The following KLHDC4 variants were observed in gnomAD, a reference collection of about 807,000 sequenced individuals.
KLHDC4 encodes kelch domain containing 4, also known as kelch domain-containing protein 4.
Under a neutral mutation model 62.4 loss-of-function variants are expected in KLHDC4, and 90 were observed. That is an observed-to-expected ratio of 1.44 (90% CI 1.22 to 1.72). The LOEUF (loss-of-function observed/expected upper bound fraction) is 1.72. KLHDC4 is among the 40% of genes most tolerant of loss of function. The probability of loss-of-function intolerance (pLI) is 0.00; values close to 1 mark genes in which losing one functional copy is unlikely to be tolerated. For missense variants in KLHDC4, 1,025 were observed against 699.7 expected (o/e 1.47, Z -5.25); for synonymous variants, 386 against 284.4 (o/e 1.36, Z -3.59).
intron 7 of KLHDC4, among the ~76,000 whole-genome samples, chr16:87,720,856 G>A (rs1247812889): frequency 2.0e-5 from 3 of 152,206 alleles, no homozygotes; most frequent in Non-Finnish European, 2.9e-5. Context: ...CTGCTGTCGC[G>A]ATGGTTTCTG....
chr16:87,760,551 G>A (rs1317001629), intron 2 of KLHDC4, among the ~76,000 whole-genome samples: 1 of 135,766 alleles, frequency 7.4e-6, no homozygotes, highest in African/African-American at 2.8e-5. Context: ...AGCTTGCAGT[G>A]AACCAAGATG....
chr16:87,749,128 G>T (rs1044984953), intron 4 of KLHDC4, among the ~76,000 whole-genome samples: 1 of 151,716 alleles, frequency 6.6e-6, no homozygotes, highest in Non-Finnish European at 1.5e-5. Context: ...ATTAACAACG[G>T]TGTGGTGCAA....
intron 4 of KLHDC4, among the ~76,000 whole-genome samples, chr16:87,752,277 A>C (rs897935945): frequency 1.3e-5 from 2 of 150,794 alleles, no homozygotes; most frequent in African/African-American, 4.9e-5. Context: ...AAAAAGAAAA[A>C]AATGAAGTCA....
At chr16:87,715,913 T>A (rs1235539764) in intron 7 of KLHDC4, among the ~76,000 whole-genome samples, 1 of 152,232 alleles carries the variant, frequency 6.6e-6, no homozygotes, top group Non-Finnish European at 1.5e-5. Flanking sequence ...TGACACAGAC[T>A]TCAGGCACGC....
chr16:87,721,344 G>C (rs1013055673), intron 7 of KLHDC4, among the ~76,000 whole-genome samples: 1 of 151,518 alleles, frequency 6.6e-6, no homozygotes, highest in Non-Finnish European at 1.5e-5. Flanking sequence ...AACCCGGTGG[G>C]TGGAGCTTGC....
At chr16:87,757,881 G>A (rs1306302038) in intron 2 of KLHDC4, among the ~76,000 whole-genome samples, 1 of 152,084 alleles carries the variant, frequency 6.6e-6, no homozygotes, top group African/African-American at 2.4e-5. Context: ...GACAGAGCAA[G>A]ACTGTCTTAA....
chr16:87,758,142 C>T (rs536500009), intron 2 of KLHDC4, among the ~76,000 whole-genome samples: 13 of 152,284 alleles, frequency 8.5e-5, no homozygotes, highest in Admixed American at 4.6e-4. Context: ...TGCATAGAAA[C>T]ATGTCATAGG....
At chr16:87,756,709 T>C (rs925039632) in intron 2 of KLHDC4, among the ~76,000 whole-genome samples, 1 of 133,802 alleles carries the variant, frequency 7.5e-6, no homozygotes, top group Non-Finnish European at 1.6e-5. Context: ...ACACAGTGTC[T>C]GGTTGTATTA....
chr16:87,706,270 G>T (rs569543879), downstream of KLHDC4, among the ~76,000 whole-genome samples: 72 of 120,040 alleles, frequency 6.0e-4, 1 homozygote, highest in African/African-American at 2.3e-3. Flanking sequence ...CCTTGAGGGG[G>T]TCGGTGGCGG....
At chr16:87,746,209 G>A (rs780850095) in intron 5 of KLHDC4, among the ~76,000 whole-genome samples, 1 of 152,138 alleles carries the variant, frequency 6.6e-6, no homozygotes, top group Non-Finnish European at 1.5e-5. Flanking sequence ...GTTTGAGGCT[G>A]CAATAAGGTG....
intron 5 of KLHDC4, among the ~76,000 whole-genome samples, chr16:87,731,374 G>C (rs188985838): frequency 2.8e-4 from 43 of 151,784 alleles, no homozygotes; most frequent in Non-Finnish European, 5.6e-4. Flanking sequence ...GCCCGGCCCA[G>C]AATTCTATCT....
At chr16:87,730,885 T>G in intron 5 of KLHDC4, 1 of 388,532 alleles carries the variant, frequency 2.6e-6, no homozygotes, top group Non-Finnish European at 4.6e-6. Context: ...GACCTTGGAC[T>G]GCATAAAGAT....
At chr16:87,758,868 T>C (rs925253036) in intron 2 of KLHDC4, among the ~76,000 whole-genome samples, 4 of 149,446 alleles carry the variant, frequency 2.7e-5, no homozygotes, top group African/African-American at 1.0e-4. Context: ...AACTGCACAG[T>C]TTTAATGATT....
chr16:87,726,718 T>TCTCCCCACCCCGCGCCTCGCCC lies in KLHDC4; in HGVS notation c.759+46_759+47insGGGCGAGGCGCGGGGTGGGGAG, dbSNP rs749148678. ...CCGTCTCCCCACCCCGCGCCTCGCC[T>TCTCCCCACCCCGCGCCTCGCCC]GTTTCCCGGTCCCACGCCTTGCCTG... On this transcript the variant is annotated intron_variant, in intron 7 of 11. Transcript: ENST00000270583. 1.0e-3 allele frequency: 562 copies of TCTCCCCACCCCGCGCCTCGCCC among 540,004 alleles called. 38 individuals carry two copies. Among genetic ancestry groups the TCTCCCCACCCCGCGCCTCGCCC allele is most frequent in the Admixed American group, 3.5e-3 (68 of 19,202 alleles). 33.5% of individuals were successfully genotyped at this position (540,004 alleles called of 1,614,324 possible).
At position 87,730,617 on chromosome 16, in the gene KLHDC4, AC is replaced by A. The variant is rs745842093; in HGVS notation, c.533del (p.Ser178MetfsTer12). 2 of 1,613,054 alleles carry A rather than the reference AC, an allele frequency of 1.2e-6. No individual in the cohort carries two copies. Among genetic ancestry groups the A allele is most frequent in the African/African-American group, 2.7e-5 (2 of 74,870 alleles). The part of the protein sequence containing the change: ...VKSTGGPSGR[S>X]GHRMVAWKRQ... The stretch of plus-strand genomic sequence containing the variant: ...TCTTCCAGGCCACCATCCGATGTCC[AC>A]TCCGACCCGAAGGACCGCCTGTTGA... On this transcript the variant is annotated frameshift_variant, in exon 6 of 12. Coordinates refer to ENST00000270583, the MANE Select transcript of KLHDC4 (RefSeq NM_017566.4). LOFTEE classifies it high-confidence loss of function.
At chr16:87,734,257 T>C (rs529428680) in intron 5 of KLHDC4, among the ~76,000 whole-genome samples, 7 of 151,606 alleles carry the variant, frequency 4.6e-5, no homozygotes, top group African/African-American at 7.3e-5. Flanking sequence ...GGCAGGAGAA[T>C]TGCTTGAACC....
chr16:87,759,465 G>C (rs1024881434), intron 2 of KLHDC4, among the ~76,000 whole-genome samples: 1 of 150,648 alleles, frequency 6.6e-6, no homozygotes, highest in Non-Finnish European at 1.5e-5. Flanking sequence ...ATAATAAATA[G>C]GCCGGGTACA....
At chr16:87,754,099 C>A (rs1272450215) in intron 4 of KLHDC4, among the ~76,000 whole-genome samples, 1 of 147,820 alleles carries the variant, frequency 6.8e-6, no homozygotes, top group Non-Finnish European at 1.5e-5. Flanking sequence ...GATATAATGC[C>A]ACTGCACTCC....
At chr16:87,746,324 CAGAG>C (rs1438453419) in intron 5 of KLHDC4, among the ~76,000 whole-genome samples, 1 of 150,548 alleles carries the variant, frequency 6.6e-6, no homozygotes, top group Non-Finnish European at 1.5e-5. Flanking sequence ...AGAAAAGAGA[CAGAG>C]AGGAGAAAAA....
Sources: allele counts gnomAD v4.1 joint callset (sites outside exome capture counted in the v4.1 genomes callset), GRCh38; gene constraint gnomAD v4.1.1; transcripts MANE v1.5; gene names NCBI Gene and HGNC (gene_info 2026-07-23, HGNC 2026-07-21).